The following PDE4D variants were observed in gnomAD, a reference collection of about 807,000 sequenced individuals.
The protein encoded by PDE4D is phosphodiesterase 4D.
A neutral mutation model predicts 87.4 loss-of-function variants in PDE4D; 24 were observed. That is an observed-to-expected ratio of 0.27 (90% CI 0.20 to 0.39). The LOEUF is 0.39. Among genes scored for constraint, PDE4D ranks in the 10% least tolerant of loss-of-function variants. The pLI is 1.00. For synonymous variants in PDE4D, 384 were observed against 383.2 expected (o/e 1.00, Z -0.02); for missense variants, 714 against 1,041.0 (o/e 0.69, Z 4.32).
At chr5:60,239,961 T>C (rs1027534419) in intron 1 of PDE4D, among the ~76,000 whole-genome samples, 1 of 152,232 alleles carries the variant, frequency 6.6e-6, no homozygotes, top group Non-Finnish European at 1.5e-5. Context: ...CAATTAAACA[T>C]AAGCAGAACC....
intron 1 of PDE4D, among the ~76,000 whole-genome samples, chr5:59,890,137 C>G (rs929973556): frequency 6.6e-6 from 1 of 152,098 alleles, no homozygotes; most frequent in Non-Finnish European, 1.5e-5. Flanking sequence ...ATATACCTTT[C>G]TTGATAATCC....
intron 1 of PDE4D, among the ~76,000 whole-genome samples, chr5:59,568,600 G>A (rs556982220): frequency 1.1e-4 from 5 of 45,806 alleles, no homozygotes; most frequent in African/African-American, 3.5e-4. Flanking sequence ...TGTTGACAGT[G>A]TGATGGAAAA....
rs1710377062 is a variant in PDE4D at position 60,323,160 on chromosome 5, A to G, written c.-89-137473T>C. Among the ~76,000 whole-genome samples the G allele has an allele frequency of 4.6e-5, 7 of 152,132 alleles. No homozygotes were observed. In the South Asian group the frequency reaches 1.2e-3, roughly 27 times the overall value. ...ATCTATGGCCATGATGTCATGTACC[A>G]CCTGTACACTTATGATACACACGGG... On this transcript the variant is annotated intron_variant, in intron 1 of 16. Coordinates refer to the PDE4D transcript ENST00000502484.
chr5:59,517,563 T>G (rs189143933), intron 1 of PDE4D, among the ~76,000 whole-genome samples: 1 of 152,324 alleles, frequency 6.6e-6, no homozygotes, highest in East Asian at 1.9e-4. Flanking sequence ...GCTAGATCAC[T>G]GTGCACTAAC....
At chr5:60,234,432 T>C (rs763788898) in intron 1 of PDE4D, among the ~76,000 whole-genome samples, 3 of 151,810 alleles carry the variant, frequency 2.0e-5, no homozygotes, top group Non-Finnish European at 2.9e-5. Flanking sequence ...CTTGTAGATA[T>C]ATGGTATTTC....
chr5:59,681,900 C>A (rs74368244), intron 1 of PDE4D, among the ~76,000 whole-genome samples: 652 of 96,028 alleles, frequency 6.8e-3, no homozygotes, highest in Middle Eastern at 0.01. Context: ...GACTCTGTCT[C>A]AAAAAAAAAA....
intron 6 of PDE4D, among the ~76,000 whole-genome samples, chr5:59,038,251 T>C (rs928646330): frequency 3.9e-5 from 6 of 152,228 alleles, no homozygotes; most frequent in Non-Finnish European, 8.8e-5. Flanking sequence ...GATGCCTAGT[T>C]GAAGCCTCCT....
intron 1 of PDE4D, among the ~76,000 whole-genome samples, chr5:60,199,381 A>C (rs1478632597): frequency 6.6e-6 from 1 of 151,708 alleles, no homozygotes; most frequent in Non-Finnish European, 1.5e-5. Context: ...TTTGTGTGGC[A>C]CCCATCTGGC....
intron 2 of PDE4D, among the ~76,000 whole-genome samples, chr5:59,198,894 CTTAAAAATGAAAAA>C (rs1298261636): frequency 6.6e-6 from 1 of 152,088 alleles, no homozygotes; most frequent in Admixed American, 6.6e-5. Flanking sequence ...GGTTCAAGTA[CTTAAAAATGAAAAA>C]GCCTGTTGTC....
At chr5:59,547,099 C>A (rs1237926857) in intron 1 of PDE4D, among the ~76,000 whole-genome samples, 1 of 152,108 alleles carries the variant, frequency 6.6e-6, no homozygotes, top group African/African-American at 2.4e-5. Context: ...AGGATGTTGA[C>A]TTATTAATAA....
At chr5:59,002,055 T>C in intron 6 of PDE4D, 1 of 516,668 alleles carries the variant, frequency 1.9e-6, no homozygotes, top group Non-Finnish European at 3.9e-6. Flanking sequence ...TTTCAGTTTA[T>C]TCCTTACCAT....
intron 1 of PDE4D, among the ~76,000 whole-genome samples, chr5:60,317,301 G>A (rs1382812062): frequency 5.9e-5 from 9 of 152,072 alleles, no homozygotes; most frequent in Non-Finnish European, 1.2e-4. Flanking sequence ...TTCTCTAACG[G>A]TAGTTTGTAT....
intron 1 of PDE4D, among the ~76,000 whole-genome samples, chr5:59,477,363 A>T (rs1260948196): frequency 7.3e-6 from 1 of 137,246 alleles, no homozygotes; most frequent in East Asian, 2.0e-4. Context: ...TAAAAAAAAA[A>T]AAAAAAAAAA....
intron 5 of PDE4D, among the ~76,000 whole-genome samples, chr5:59,175,096 A>G (rs936845330): frequency 6.6e-6 from 1 of 152,212 alleles, no homozygotes; most frequent in Non-Finnish European, 1.5e-5. Context: ...TCCAAGCTAC[A>G]TGGCTGTACT....
rs567050984 is a variant in PDE4D at position 59,605,169 on chromosome 5, T to G, written c.455+287999A>C. On this transcript the variant is annotated intron_variant, in intron 1 of 14. Transcript: ENST00000340635. ...ACAAAACATCAGAATATTTTTATTA[T>G]GTATAAAGACAATTATATAGATTTA... Among the ~76,000 whole-genome samples, 3 of 152,246 alleles carry G rather than the reference T, an allele frequency of 2.0e-5. No individual in the cohort carries two copies. In the South Asian group the frequency reaches 6.2e-4, roughly 32 times the overall value.
At chr5:59,541,434 C>T (rs958426898) in intron 1 of PDE4D, among the ~76,000 whole-genome samples, 9 of 152,218 alleles carry the variant, frequency 5.9e-5, no homozygotes, top group African/African-American at 1.9e-4. Flanking sequence ...CATCAAACTT[C>T]TGGCAAATGT....
intron 1 of PDE4D, among the ~76,000 whole-genome samples, chr5:59,629,651 G>A (rs1831327425): frequency 6.6e-6 from 1 of 152,148 alleles, no homozygotes. Flanking sequence ...TGTTGCTTAA[G>A]GCACCAAGCT....
chr5:60,353,317 C>T (rs1759352100), intron 1 of PDE4D, among the ~76,000 whole-genome samples: 1 of 152,210 alleles, frequency 6.6e-6, no homozygotes, highest in Non-Finnish European at 1.5e-5. Context: ...CTACTGCTCT[C>T]AGCTCCCAAA....
intron 2 of PDE4D, among the ~76,000 whole-genome samples, chr5:60,010,250 C>T (rs538282516): frequency 6.6e-6 from 1 of 152,214 alleles, no homozygotes; most frequent in Admixed American, 6.5e-5. Context: ...ATTTGTAGAA[C>T]AGGCATGAAA....
Sources: gnomAD v4.1 joint callset for allele counts (sites outside exome capture counted in the v4.1 genomes callset) on GRCh38, gnomAD v4.1.1 for gene constraint, MANE v1.5 for transcripts, NCBI Gene and HGNC (gene_info 2026-07-23, HGNC 2026-07-21) for gene names.